TJP1: variants seen among roughly 807,000 people sequenced by gnomAD.
The protein encoded by TJP1 is tight junction protein 1.
Under a neutral mutation model 194.2 loss-of-function variants are expected in TJP1, and 43 were observed. The ratio of observed to expected loss-of-function variants is 0.22; its 90% CI spans 0.17 to 0.29. The LOEUF is 0.29. Among genes scored for constraint, TJP1 ranks in the 10% least tolerant of loss-of-function variants. TJP1 has a pLI of 1.00. For synonymous variants in TJP1, 801 were observed against 779.0 expected (o/e 1.03, Z -0.47); for missense variants, 1,971 against 2,185.7 (o/e 0.90, Z 1.96).
intron 2 of TJP1, among the ~76,000 whole-genome samples, chr15:29,952,932 A>T (rs2055803484): frequency 6.6e-6 from 1 of 152,194 alleles, no homozygotes; most frequent in East Asian, 1.9e-4. Flanking sequence ...CTATGTAATT[A>T]GAAGTCATTA....
intron 2 of TJP1, among the ~76,000 whole-genome samples, chr15:29,949,327 TACCTCCACC>T (rs1227204575): frequency 4.7e-5 from 1 of 21,216 alleles, no homozygotes; most frequent in African/African-American, 1.7e-4. Flanking sequence ...TCACCACCAC[TACCTCCACC>T]ACCTCCACCA....
intron 2 of TJP1, among the ~76,000 whole-genome samples, chr15:29,843,783 T>C (rs1395831149): frequency 6.6e-6 from 1 of 152,064 alleles, no homozygotes; most frequent in African/African-American, 2.4e-5. Flanking sequence ...CGGCTCAATC[T>C]ATGGATTCAG....
At chr15:29,758,234 G>A (rs1044398040) in intron 8 of TJP1, among the ~76,000 whole-genome samples, 1 of 151,950 alleles carries the variant, frequency 6.6e-6, no homozygotes, top group African/African-American at 2.4e-5. Flanking sequence ...GGGGTGAGAG[G>A]GAGGTTTTGG....
intron 2 of TJP1, among the ~76,000 whole-genome samples, chr15:29,906,859 C>T (rs2053832747): frequency 7.9e-5 from 12 of 151,810 alleles, no homozygotes. Flanking sequence ...GGATTACAGG[C>T]ATGAGCCACT....
chr15:29,704,306 C>G lies in TJP1; in HGVS notation c.5069-1G>C. The G allele has an allele frequency of 6.3e-7, 1 of 1,589,394 alleles. No individual in the cohort carries two copies. Among genetic ancestry groups the G allele is most frequent in the Non-Finnish European group, 8.6e-7 (1 of 1,167,470 alleles). On this transcript the variant is annotated splice_acceptor_variant, in intron 26 of 27. Transcript: ENST00000614355. LOFTEE classifies it high-confidence loss of function. ...ACCAAAGGACTCAGCAGTGTTTCACCTGGAGTTGGAAAAGGGGATAGGCAG... is the reference window on the plus strand; with the variant it reads ...ACCAAAGGACTCAGCAGTGTTTCACGTGGAGTTGGAAAAGGGGATAGGCAG...
chr15:29,726,428 T>C lies in TJP1; in HGVS notation c.2363A>G (p.Glu788Gly). ...MNDGWYGALK[E>G]AIQQQQNQLV... ...CTGGTTTTGCTGTTGTTGAATTGCT[T>C]CTTTCAGCGCACCATACCAACCATC... is the stretch of plus-strand genomic sequence containing the variant. The change falls in exon 18 of 28, where the codon GAA becomes GGA. Residue 788 changes from glutamate (E) to glycine (G), a missense_variant. Physicochemically the swap from Glu to Gly is moderately conservative, Grantham distance 98. This residue lies in a region of TJP1 where 402 missense variants were observed against 484.2 expected (regional missense o/e 0.83). Transcript: ENST00000614355. The C allele has an allele frequency of 6.2e-7, 1 of 1,614,130 alleles. No homozygotes were observed. Among genetic ancestry groups the C allele is most frequent in the Non-Finnish European group, 8.5e-7 (1 of 1,180,008 alleles).
intron 23 of TJP1, among the ~76,000 whole-genome samples, chr15:29,711,613 G>A (rs1159080776): frequency 6.6e-6 from 1 of 152,130 alleles, no homozygotes; most frequent in African/African-American, 2.4e-5. Flanking sequence ...TGAGCCGCCT[G>A]CCTCTGCTTC....
chr15:29,808,413 T>G (rs189961354), intron 1 of TJP1, among the ~76,000 whole-genome samples: 24 of 152,298 alleles, frequency 1.6e-4, no homozygotes, highest in Admixed American at 1.4e-3. Flanking sequence ...TGATCTGAGT[T>G]GTGGGCAAAT....
intron 23 of TJP1, among the ~76,000 whole-genome samples, chr15:29,713,430 G>A (rs1391290578): frequency 2.6e-5 from 4 of 152,070 alleles, no homozygotes; most frequent in Admixed American, 2.6e-4. Flanking sequence ...TGCTTCCTGG[G>A]GCATCTGTCC....
At position 29,820,355 on chromosome 15, in the gene TJP1, T is replaced by G. The variant is rs183618797; in HGVS notation, c.27+1647A>C. ...ATGGCCTGTTTTGCTCTATATAAAA[T>G]TCTGAAGTGGCTCCATAATACAGCA... is the stretch of plus-strand genomic sequence containing the variant. On this transcript the variant is annotated intron_variant, in intron 1 of 27. Transcript: ENST00000614355. Among the ~76,000 whole-genome samples, 473 of 152,264 alleles carry G rather than the reference T, an allele frequency of 3.1e-3. 4 individuals are homozygous for G. Among genetic ancestry groups the G allele is most frequent in the Non-Finnish European group, 5.1e-3 (349 of 68,006 alleles).
At chr15:29,824,576 T>A (rs182398726), upstream of TJP1, among the ~76,000 whole-genome samples, 157 of 151,916 alleles carry the variant, frequency 1.0e-3, 1 homozygote, top group African/African-American at 3.5e-3. Flanking sequence ...AAAAAAAAAA[T>A]TGTGATTAAA....
chr15:29,815,646 G>T (rs2049859097), intron 1 of TJP1, among the ~76,000 whole-genome samples: 1 of 152,226 alleles, frequency 6.6e-6, no homozygotes, highest in Admixed American at 6.5e-5. Flanking sequence ...TGGACTCATG[G>T]TCTTTCAGTA....
At chr15:29,752,064 G>C (rs1053771834) in intron 8 of TJP1, among the ~76,000 whole-genome samples, 15 of 151,394 alleles carry the variant, frequency 9.9e-5, no homozygotes, top group African/African-American at 2.9e-4. Context: ...GAGTACCCAG[G>C]ATCACAGATG....
At chr15:29,775,479 T>C (rs569854548) in intron 2 of TJP1, among the ~76,000 whole-genome samples, 2 of 152,246 alleles carry the variant, frequency 1.3e-5, no homozygotes, top group African/African-American at 4.8e-5. Context: ...TAAGTGCTTA[T>C]TTAAGATGGA....
chr15:29,773,010 C>A (rs1440303770), intron 3 of TJP1, among the ~76,000 whole-genome samples: 3 of 152,126 alleles, frequency 2.0e-5, no homozygotes, highest in Non-Finnish European at 2.9e-5. Context: ...TCAAGTGATC[C>A]CCCTGCCTCA....
At chr15:29,743,682 G>C (rs1178985518) in intron 8 of TJP1, among the ~76,000 whole-genome samples, 1 of 152,136 alleles carries the variant, frequency 6.6e-6, no homozygotes. Flanking sequence ...AGCTATGATA[G>C]AGCCACTACA....
At chr15:29,958,577 T>A (rs1389267483) in intron 1 of TJP1, among the ~76,000 whole-genome samples, 1 of 152,190 alleles carries the variant, frequency 6.6e-6, no homozygotes, top group Non-Finnish European at 1.5e-5. Flanking sequence ...TTATACATCT[T>A]ATTAGGGAAA....
intron 2 of TJP1, among the ~76,000 whole-genome samples, chr15:29,874,797 T>C (rs541717648): frequency 3.2e-4 from 48 of 152,360 alleles, no homozygotes; most frequent in African/African-American, 9.9e-4. Flanking sequence ...ACTTAATGCA[T>C]AGCTGTATCA....
At chr15:29,763,146 C>A (rs1383621510) in intron 5 of TJP1, among the ~76,000 whole-genome samples, 1 of 152,100 alleles carries the variant, frequency 6.6e-6, no homozygotes, top group East Asian at 1.9e-4. Flanking sequence ...AGTTATAATG[C>A]CAATCCTTTC....
Sources: allele counts gnomAD v4.1 joint callset (sites outside exome capture counted in the v4.1 genomes callset), GRCh38; gene constraint gnomAD v4.1.1; regional missense constraint gnomAD v4.1.1; transcripts MANE v1.5; gene names NCBI Gene and HGNC (gene_info 2026-07-23, HGNC 2026-07-21).